NAA16: variants seen among roughly 807,000 people sequenced by gnomAD.
The protein encoded by NAA16 is N-alpha-acetyltransferase 16, NatA auxiliary subunit, also known as NARG1-like protein.
A neutral mutation model predicts 110.3 loss-of-function variants in NAA16; 97 were observed. The ratio of observed to expected loss-of-function variants is 0.88; its 90% CI spans 0.75 to 1.04. The LOEUF (loss-of-function observed/expected upper bound fraction) is 1.04. Among genes scored for constraint, NAA16 ranks in the 50% least tolerant of loss-of-function variants. The pLI is 0.00. For missense variants in NAA16, 1,017 were observed against 1,005.1 expected (o/e 1.01, Z -0.16); for synonymous variants, 372 against 330.6 (o/e 1.13, Z -1.36).
chr13:41,360,343 A>G (rs374873944), intron 12 of NAA16, among the ~76,000 whole-genome samples: 1 of 152,184 alleles, frequency 6.6e-6, no homozygotes, highest in Non-Finnish European at 1.5e-5. Context: ...GTATAATGCA[A>G]ATATTCCAAA....
In NAA16 at chr13:41,372,238, T is replaced by A; in HGVS notation, c.1983T>A (p.Leu661=). 1 of 1,601,658 alleles carries A rather than the reference T, an allele frequency of 6.2e-7. No individual in the cohort carries two copies. Among genetic ancestry groups the A allele is most frequent in the Admixed American group, 1.7e-5 (1 of 57,508 alleles). The change falls in exon 16 of 20, where the codon CTT becomes CTA. Residue 661 remains leucine, a synonymous_variant. Transcript: ENST00000379406. The part of the protein sequence containing the change: ...ENPLEEAVKF[L]IPLKNLVADN... ...CATTAGAGGAAGCCGTTAAGTTCCT[T>A]ATACCTCTTAAGAACCTTGTTGCTG...
intron 5 of NAA16, among the ~76,000 whole-genome samples, chr13:41,324,363 C>CTTTTTTTTTTTTTTT (rs71086562): frequency 1.5e-5 from 1 of 66,060 alleles, no homozygotes; most frequent in Non-Finnish European, 2.7e-5. Flanking sequence ...TTCTTTCTTT[C>CTTTTTTTTTTTTTTT]TTTTTTTTTT....
intron 5 of NAA16, 81 bp from the exon 6 acceptor site, chr13:41,325,617 C>T (rs534615006): frequency 3.6e-6 from 3 of 845,004 alleles, no homozygotes; most frequent in Middle Eastern, 3.9e-4. Flanking sequence ...GAATGACTCT[C>T]CTGAGAAGGC....
intron 13 of NAA16, among the ~76,000 whole-genome samples, chr13:41,364,053 AATG>A (rs1015506469): frequency 7.1e-5 from 9 of 127,088 alleles, no homozygotes; most frequent in South Asian, 2.8e-4. Flanking sequence ...TAAAATTCTT[AATG>A]ATATCATTGG....
intron 15 of NAA16, among the ~76,000 whole-genome samples, chr13:41,370,262 C>G (rs2043289395): frequency 6.6e-6 from 1 of 152,138 alleles, no homozygotes; most frequent in Non-Finnish European, 1.5e-5. Flanking sequence ...TCACCAAGAG[C>G]TGGCAGAGAA....
rs1449343266 is a variant in NAA16 at position 41,311,324 on chromosome 13, C to A, written c.-205C>A. ...GCCAAAAAGCGGAGCCCAGGGGAAG[C>A]GTGTCCTGCTCAGACCGCCTTCCTT... is the stretch of plus-strand genomic sequence containing the variant. On this transcript the variant is annotated 5_prime_UTR_variant, in exon 1 of 20. Coordinates refer to ENST00000379406, the MANE Select transcript of NAA16 (RefSeq NM_024561.5). The A allele has an allele frequency of 7.0e-6, 4 of 569,940 alleles. No homozygotes were observed. The highest frequency in any genetic ancestry group is 1.2e-5 in the Non-Finnish European group (4 of 326,292). The allele number at this position is 569,940 out of a possible 1,614,324, so 35.3% of individuals were successfully genotyped here.
Position 41,355,208 on chromosome 13 carries a change from GC to G in NAA16, c.1082del (p.Pro361HisfsTer47). Reference protein sequence around the residue: ...EASLKTCDFFSPYENGEKEPP... With the variant: ...EASLKTCDFFXPYENGEKEPP... The stretch of plus-strand genomic sequence containing the variant: ...TCTCTTAAAACGTGTGACTTTTTTA[GC>G]CCATATGGTAAGTTTAAATTAGATT... On this transcript the variant is annotated frameshift_variant, in exon 10 of 20. Coordinates refer to ENST00000379406, the MANE Select transcript of NAA16 (RefSeq NM_024561.5). LOFTEE classifies it high-confidence loss of function. 1 of 1,576,748 alleles carries G rather than the reference GC, an allele frequency of 6.3e-7. No individual in the cohort carries two copies. The highest frequency in any genetic ancestry group is 1.8e-5 in the Admixed American group (1 of 55,458).
At chr13:41,353,987 G>A (rs1021350144) in intron 9 of NAA16, among the ~76,000 whole-genome samples, 1 of 152,034 alleles carries the variant, frequency 6.6e-6, no homozygotes, top group African/African-American at 2.4e-5. Flanking sequence ...CCTAATGTCT[G>A]GTCATATTTT....
rs2043040205 is a variant in NAA16 at position 41,358,377 on chromosome 13, T to G, written c.1161T>G (p.Leu387=). 1 of 1,613,958 alleles carries G rather than the reference T, an allele frequency of 6.2e-7. No homozygotes were observed. The change falls in exon 11 of 20, where the codon CTT becomes CTG. Residue 387 remains leucine (L), a synonymous_variant. Coordinates refer to ENST00000379406, the MANE Select transcript of NAA16 (RefSeq NM_024561.5). The part of the protein sequence containing the change: ...QYFLAQHFDK[L]GQYSLALDYI... ...TCCTGGCACAGCACTTTGATAAACTTGGACAGTATTCTTTGGCTTTGGATT... is the reference window on the plus strand; with the variant it reads ...TCCTGGCACAGCACTTTGATAAACTGGGACAGTATTCTTTGGCTTTGGATT...
intron 1 of NAA16, among the ~76,000 whole-genome samples, chr13:41,315,550 T>A (rs1369881983): frequency 6.6e-6 from 1 of 152,186 alleles, no homozygotes; most frequent in African/African-American, 2.4e-5. Flanking sequence ...AGTTTCAGTT[T>A]CCACATCTCT....
Position 41,320,701 on chromosome 13 carries a change from T to TA in NAA16, c.285dup (p.Tyr96IlefsTer2), listed in dbSNP as rs1566243379. On this transcript the variant is annotated frameshift_variant, in exon 4 of 20. Transcript: ENST00000379406. LOFTEE classifies it high-confidence loss of function. ...TATATGGACTCTTGCAGCGTTCTGATAAAAAATATGATGAAGCTATAAAAT... is the reference window on the plus strand; with the variant it reads ...TATATGGACTCTTGCAGCGTTCTGATAAAAAAATATGATGAAGCTATAAAAT... 5 of 1,612,068 alleles carry TA rather than the reference T, an allele frequency of 3.1e-6. No individual in the cohort carries two copies. Among genetic ancestry groups the TA allele is most frequent in the South Asian group, 2.2e-5 (2 of 90,660 alleles).
chr13:41,321,734 CG>C (rs1216049716), intron 4 of NAA16, among the ~76,000 whole-genome samples: 1 of 150,616 alleles, frequency 6.6e-6, no homozygotes, highest in East Asian at 2.0e-4. Context: ...TAGTCCACTT[CG>C]TATCCTAGAA....
intron 10 of NAA16, among the ~76,000 whole-genome samples, chr13:41,355,970 AC>A (rs1458076463): frequency 6.6e-6 from 1 of 152,132 alleles, no homozygotes; most frequent in Non-Finnish European, 1.5e-5. Context: ...GCACAAAGTA[AC>A]TTCCGGGTTC....
chr13:41,361,387 A>G (rs1422296488), intron 12 of NAA16, among the ~76,000 whole-genome samples: 2 of 152,250 alleles, frequency 1.3e-5, no homozygotes. Context: ...AACAGATTTG[A>G]TAAATGCTGA....
rs1434614653 is a variant in NAA16 at position 41,349,673 on chromosome 13, TG to T, written c.1015-5470del. Among the ~76,000 whole-genome samples, 3 of 152,116 alleles carry T rather than the reference TG, an allele frequency of 2.0e-5. No homozygotes were observed. In the East Asian group the frequency reaches 5.8e-4, roughly 29 times the overall value. ...GTAACAGTCTGTATACTTTTTAAAA[TG>T]TCATACGTGGCCGGGTGTGGTGGCT... On this transcript the variant is annotated intron_variant, in intron 9 of 19. Transcript: ENST00000379406.
intron 9 of NAA16, among the ~76,000 whole-genome samples, chr13:41,353,771 A>G (rs2042905552): frequency 3.6e-4 from 1 of 2,754 alleles, no homozygotes; most frequent in African/African-American, 3.8e-3. Flanking sequence ...TGTCTCTTAC[A>G]CACACACACA....
chr13:41,341,853 A>T (rs1475076987), intron 9 of NAA16, among the ~76,000 whole-genome samples: 2 of 141,756 alleles, frequency 1.4e-5, no homozygotes, highest in African/African-American at 2.7e-5. Context: ...TTTTTTTGAG[A>T]CGGAGTCTCA....
intron 11 of NAA16, 46 bp downstream of exon 11, chr13:41,358,519 CTT>C: frequency 6.2e-7 from 1 of 1,602,934 alleles, no homozygotes; most frequent in Non-Finnish European, 8.5e-7. Flanking sequence ...AATTCAGCTA[CTT>C]TAAGAATCCT....
At chr13:41,370,287 TG>T (rs1396764124) in intron 15 of NAA16, among the ~76,000 whole-genome samples, 1 of 152,098 alleles carries the variant, frequency 6.6e-6, no homozygotes, top group Non-Finnish European at 1.5e-5. Flanking sequence ...CAGATGCCAT[TG>T]AGAAAATCAT....
Sources: allele counts gnomAD v4.1 joint callset (sites outside exome capture counted in the v4.1 genomes callset), GRCh38; gene constraint gnomAD v4.1.1; transcripts MANE v1.5; gene names NCBI Gene and HGNC (gene_info 2026-07-23, HGNC 2026-07-21).